SLC13A3: variants seen among roughly 807,000 people sequenced by gnomAD.
SLC13A3 encodes the protein Na(+)/dicarboxylate cotransporter 3.
Under a neutral mutation model 59.0 loss-of-function variants are expected in SLC13A3, and 40 were observed. The ratio of observed to expected loss-of-function variants is 0.68; its 90% CI spans 0.53 to 0.88. The LOEUF (loss-of-function observed/expected upper bound fraction) is 0.88. Ranked by LOEUF, SLC13A3 falls within the 40% of genes least tolerant of loss-of-function variation. The pLI is 0.00. For missense variants in SLC13A3, 699 were observed against 783.2 expected (o/e 0.89, Z 1.28); for synonymous variants, 317 against 330.3 (o/e 0.96, Z 0.44).
rs759773474 is a variant in SLC13A3 at position 46,610,462 on chromosome 20, C to G, written c.525G>C (p.Glu175Asp). 14 of 1,613,512 alleles carry G rather than the reference C, an allele frequency of 8.7e-6. No homozygotes were observed. Among genetic ancestry groups the G allele is most frequent in the Non-Finnish European group, 1.2e-5 (14 of 1,179,660 alleles). Reference sequence around the variant, plus strand: ...CAGCCTCACCTGTGTTCTCTTCACTCTCCTGGCTGGGGTCCTTTCGAACCT... The same window carrying G: ...CAGCCTCACCTGTGTTCTCTTCACTGTCCTGGCTGGGGTCCTTTCGAACCT... ...QKEVRKDPSQ[E>D]SEENTAAVRR... is the part of the protein sequence containing the mutation. The change falls in exon 3 of 13, where the codon GAG (glutamate) becomes GAC (aspartate). Residue 175 changes from glutamate (E) to aspartate (D), a missense_variant. Transcript: ENST00000279027.
intron 10 of SLC13A3, 131 bp downstream of exon 10, chr20:46,575,442 G>GCC (rs2062065556): frequency 2.4e-5 from 12 of 509,604 alleles, no homozygotes; most frequent in Non-Finnish European, 3.8e-5. Flanking sequence ...TTTGGCAAGT[G>GCC]AGGAAACTGG....
At chr20:46,665,752 T>C (rs1160567008) in intron 1 of SLC13A3, among the ~76,000 whole-genome samples, 7 of 152,228 alleles carry the variant, frequency 4.6e-5, no homozygotes, top group Non-Finnish European at 8.8e-5. Context: ...CTTAGGTACA[T>C]ACCTAGGAGT....
chr20:46,583,294 A>G, intron 9 of SLC13A3: 1 of 821,610 alleles, frequency 1.2e-6, no homozygotes, highest in Admixed American at 4.8e-5. Flanking sequence ...TTTTTTTTTC[A>G]ACCATTTAAA....
chr20:46,660,158 G>C (rs1274381000), intron 1 of SLC13A3, among the ~76,000 whole-genome samples: 1 of 152,110 alleles, frequency 6.6e-6, no homozygotes, highest in Non-Finnish European at 1.5e-5. Context: ...ACTTTAAAAA[G>C]TATTTCATAT....
At chr20:46,588,758 C>T (rs369161111) in intron 7 of SLC13A3, among the ~76,000 whole-genome samples, 7 of 152,280 alleles carry the variant, frequency 4.6e-5, no homozygotes, top group Admixed American at 2.6e-4. Flanking sequence ...TGACCAAAGC[C>T]ACACAGGACA....
intron 8 of SLC13A3, among the ~76,000 whole-genome samples, chr20:46,586,995 G>A (rs918219617): frequency 5.3e-5 from 8 of 152,126 alleles, no homozygotes; most frequent in Admixed American, 1.3e-4. Context: ...TATAATTTTC[G>A]TGTATTACAA....
chr20:46,630,164 G>A (rs182724632), intron 1 of SLC13A3, among the ~76,000 whole-genome samples: 13 of 152,260 alleles, frequency 8.5e-5, no homozygotes, highest in African/African-American at 3.1e-4. Flanking sequence ...GACCCAAGAC[G>A]GTCACAGTTC....
chr20:46,651,452 C>T lies in SLC13A3; in HGVS notation c.-31G>A. On this transcript the variant is annotated 5_prime_UTR_variant, in exon 1 of 13. Coordinates refer to ENST00000279027, the MANE Select transcript of SLC13A3 (RefSeq NM_022829.6). ...CGATCGCCTGGCGGTACGGGCCGGC[C>T]CGGGACTGCCCCGCCTGGCCCCGGC... The T allele has an allele frequency of 7.1e-7, 1 of 1,402,916 alleles. No individual in the cohort carries two copies. Among genetic ancestry groups the T allele is most frequent in the Non-Finnish European group, 9.2e-7 (1 of 1,089,042 alleles). The allele number at this position is 1,402,916 out of a possible 1,614,324, so 86.9% of individuals were successfully genotyped here.
At chr20:46,611,796 A>T (rs1039873296) in intron 2 of SLC13A3, among the ~76,000 whole-genome samples, 7 of 152,176 alleles carry the variant, frequency 4.6e-5, no homozygotes, top group Non-Finnish European at 1.0e-4. Flanking sequence ...ACGAATCTTT[A>T]AAAAATGCAA....
At chr20:46,670,647 G>T (rs947817970), upstream of SLC13A3, among the ~76,000 whole-genome samples, 1 of 152,128 alleles carries the variant, frequency 6.6e-6, no homozygotes, top group African/African-American at 2.4e-5. Context: ...AGCTATTTTG[G>T]ATGTCTCAGC....
At chr20:46,600,528 T>G (rs1164647338) in intron 3 of SLC13A3, 2 of 382,346 alleles carry the variant, frequency 5.2e-6, no homozygotes, top group Non-Finnish European at 1.2e-5. Flanking sequence ...TGCCCAGGCC[T>G]GTTGGCAGGG....
At chr20:46,564,818 C>A (rs1312344922) in intron 11 of SLC13A3, among the ~76,000 whole-genome samples, 5 of 152,198 alleles carry the variant, frequency 3.3e-5, no homozygotes, top group Non-Finnish European at 7.3e-5. Flanking sequence ...CTGGAAATAC[C>A]TATATTTCCA....
chr20:46,647,956 C>A (rs921075829), intron 1 of SLC13A3, among the ~76,000 whole-genome samples: 3 of 152,196 alleles, frequency 2.0e-5, no homozygotes, highest in Non-Finnish European at 4.4e-5. Context: ...GTATACAATA[C>A]AACCTGCATT....
chr20:46,668,410 C>T (rs2063073005), intron 1 of SLC13A3, among the ~76,000 whole-genome samples: 1 of 152,220 alleles, frequency 6.6e-6, no homozygotes, highest in African/African-American at 2.4e-5. Context: ...GAAGATCAAA[C>T]CAGCCACAAC....
At chr20:46,624,070 C>T (rs1202685390) in intron 1 of SLC13A3, among the ~76,000 whole-genome samples, 1 of 152,174 alleles carries the variant, frequency 6.6e-6, no homozygotes, top group African/African-American at 2.4e-5. Flanking sequence ...TTCCTGGCTC[C>T]TTGCCATCTC....
chr20:46,574,627 C>G (rs970535502), intron 10 of SLC13A3, among the ~76,000 whole-genome samples: 1 of 152,062 alleles, frequency 6.6e-6, no homozygotes, highest in African/African-American at 2.4e-5. Flanking sequence ...CTATCTAGGA[C>G]TTATATGAGA....
intron 1 of SLC13A3, among the ~76,000 whole-genome samples, chr20:46,618,763 T>C (rs2062586362): frequency 6.6e-6 from 1 of 152,204 alleles, no homozygotes. Context: ...TATTTTGTTA[T>C]AGTAGCCCAA....
chr20:46,566,682 G>A (rs996800318), intron 10 of SLC13A3, among the ~76,000 whole-genome samples: 4 of 152,104 alleles, frequency 2.6e-5, no homozygotes, highest in East Asian at 1.9e-4. Context: ...CCTAAGCACC[G>A]ATTTAAGTGG....
chr20:46,636,464 T>C (rs965072321), intron 1 of SLC13A3, among the ~76,000 whole-genome samples: 3 of 152,236 alleles, frequency 2.0e-5, no homozygotes, highest in Non-Finnish European at 4.4e-5. Flanking sequence ...TGAGGAAATA[T>C]CCCTTTTGAT....
Sources: gnomAD v4.1 joint callset for allele counts (sites outside exome capture counted in the v4.1 genomes callset) on GRCh38, gnomAD v4.1.1 for gene constraint, MANE v1.5 for transcripts, NCBI Gene and HGNC (gene_info 2026-07-23, HGNC 2026-07-21) for gene names.